SOS1: variants seen among roughly 807,000 people sequenced by gnomAD.
SOS1 encodes SOS Ras/Rac guanine nucleotide exchange factor 1.
SOS1 carries 25 observed loss-of-function variants against 157.6 expected under a neutral mutation model. That is an observed-to-expected ratio of 0.16 (90% CI 0.12 to 0.22). The LOEUF (loss-of-function observed/expected upper bound fraction) is 0.22, where lower values mean the gene tolerates loss of function less well. Ranked by LOEUF, SOS1 falls within the 10% of genes least tolerant of loss-of-function variation. The pLI, the probability that SOS1 is intolerant of heterozygous loss-of-function variation, is 1.00. For missense variants in SOS1, 1,237 were observed against 1,599.1 expected (o/e 0.77, Z 3.86); for synonymous variants, 528 against 534.0 (o/e 0.99, Z 0.16).
At chr2:39,012,383 A>G (rs1374195210) in intron 13 of SOS1, 35 bp from the exon 14 acceptor site, 11 of 940,942 alleles carry the variant, frequency 1.2e-5, no homozygotes, top group Non-Finnish European at 1.7e-5. Context: ...ACATTTAAAT[A>G]TTCTTTATTT....
At chr2:39,104,143 A>G (rs1673077658) in intron 1 of SOS1, among the ~76,000 whole-genome samples, 1 of 152,062 alleles carries the variant, frequency 6.6e-6, no homozygotes, top group Non-Finnish European at 1.5e-5. Context: ...TTAGCCAGGC[A>G]TGGTGGTAGG....
At chr2:39,063,669 G>C (rs553425174) in intron 2 of SOS1, among the ~76,000 whole-genome samples, 11 of 152,134 alleles carry the variant, frequency 7.2e-5, no homozygotes, top group Admixed American at 1.3e-4. Context: ...CAATCTATCT[G>C]TTTTCAAGTA....
At chr2:39,017,934 T>G (rs551033144) in intron 10 of SOS1, among the ~76,000 whole-genome samples, 1 of 151,838 alleles carries the variant, frequency 6.6e-6, no homozygotes, top group Non-Finnish European at 1.5e-5. Context: ...TAAGATAATA[T>G]AAACAAATGC....
chr2:39,010,483 C>CA, intron 15 of SOS1, 101 bp downstream of exon 15: 1 of 1,112,886 alleles, frequency 9.0e-7, no homozygotes, highest in Non-Finnish European at 1.4e-6. Context: ...GCCTATGTGA[C>CA]AGAGCAAAAC....
At chr2:39,015,802 C>CATT (rs1422629134) in intron 10 of SOS1, among the ~76,000 whole-genome samples, 2 of 87,416 alleles carry the variant, frequency 2.3e-5, no homozygotes, top group African/African-American at 4.6e-5. Context: ...AATTGTAAAT[C>CATT]TTTTTTTTTT....
At chr2:39,036,649 C>G (rs1670362671) in intron 6 of SOS1, among the ~76,000 whole-genome samples, 1 of 152,146 alleles carries the variant, frequency 6.6e-6, no homozygotes, top group South Asian at 2.1e-4. Flanking sequence ...TCTCGGCTCA[C>G]TGCAAGCTCC....
chr2:39,005,253 CTGAAACCGTGGAAAG>C (rs1394713224), intron 17 of SOS1, among the ~76,000 whole-genome samples: 2 of 152,160 alleles, frequency 1.3e-5, no homozygotes, highest in African/African-American at 2.4e-5. Flanking sequence ...CCATGGATAA[CTGAAACCGTGGAAAG>C]TGAAACCGTG....
intron 2 of SOS1, among the ~76,000 whole-genome samples, chr2:39,066,865 T>C (rs1043857312): frequency 6.6e-6 from 1 of 152,208 alleles, no homozygotes; most frequent in African/African-American, 2.4e-5. Flanking sequence ...AAGAAATGCT[T>C]GGACATATGC....
intron 8 of SOS1, among the ~76,000 whole-genome samples, chr2:39,026,590 G>T (rs1419487110): frequency 6.6e-6 from 1 of 152,256 alleles, no homozygotes; most frequent in East Asian, 1.9e-4. Flanking sequence ...GATATTACTA[G>T]TAGGCTGAAG....
In SOS1 at chr2:38,986,064, G is replaced by A; in HGVS notation, c.3762C>T (p.Ser1254=). ...HGNAFFPNSP[S]PFTPPPPQTP... ...TTTGAGGAGGAGGTGGTGTAAAGGG[G>A]GAAGGGCTGTTTGGGAAGAAGGCAT... Residue 1254 remains serine (S), a synonymous_variant, in exon 23 of 23, where the codon TCC becomes TCT. Coordinates refer to ENST00000402219, the MANE Select transcript of SOS1 (RefSeq NM_005633.4). 1 of 1,613,920 alleles carries A rather than the reference G, an allele frequency of 6.2e-7. No individual in the cohort carries two copies. Among genetic ancestry groups the A allele is most frequent in the South Asian group, 1.1e-5 (1 of 91,078 alleles).
chr2:38,997,131 A>C (rs559191155), intron 18 of SOS1, 93 bp from the exon 19 acceptor site: 1 of 1,049,830 alleles, frequency 9.5e-7, no homozygotes, highest in African/African-American at 1.6e-5. Flanking sequence ...TAATACAAGT[A>C]AATTTGAATT....
At chr2:39,094,540 G>C (rs1242125362) in intron 1 of SOS1, among the ~76,000 whole-genome samples, 1 of 152,146 alleles carries the variant, frequency 6.6e-6, no homozygotes, top group Non-Finnish European at 1.5e-5. Flanking sequence ...CAGCTACTCA[G>C]GAGGCTGAGG....
chr2:39,092,423 T>C (rs1433587232), intron 1 of SOS1, among the ~76,000 whole-genome samples: 1 of 152,232 alleles, frequency 6.6e-6, no homozygotes, highest in Non-Finnish European at 1.5e-5. Flanking sequence ...TCTTCTCAAA[T>C]GTCACCTCCT....
chr2:39,010,515 A>C, intron 15 of SOS1, 69 bp downstream of exon 15: 2 of 1,478,912 alleles, frequency 1.4e-6, no homozygotes, highest in Non-Finnish European at 1.9e-6. Flanking sequence ...AAAAACAAAC[A>C]AAAAAATTGC....
chr2:39,010,021 A>G (rs1048194331), intron 15 of SOS1, among the ~76,000 whole-genome samples: 8 of 152,250 alleles, frequency 5.3e-5, no homozygotes, highest in Admixed American at 1.3e-4. Context: ...ACATATAGAA[A>G]TAAAATTGCA....
At chr2:39,020,499 C>T (rs1669764999) in intron 10 of SOS1, among the ~76,000 whole-genome samples, 1 of 151,678 alleles carries the variant, frequency 6.6e-6, no homozygotes, top group African/African-American at 2.4e-5. Flanking sequence ...TAAGCCACAA[C>T]CTGTACTGCA....
chr2:39,105,895 G>C (rs1473171025), intron 1 of SOS1, among the ~76,000 whole-genome samples: 1 of 151,844 alleles, frequency 6.6e-6, no homozygotes, highest in Non-Finnish European at 1.5e-5. Context: ...GTGAGACTCT[G>C]TCTCAAAAAG....
intron 10 of SOS1, among the ~76,000 whole-genome samples, chr2:39,018,246 C>T (rs1669690156): frequency 6.6e-6 from 1 of 151,712 alleles, no homozygotes; most frequent in Admixed American, 6.6e-5. Flanking sequence ...GATAATTCCA[C>T]AAAATTCTTT....
At chr2:39,049,481 C>G (rs1041242320) in intron 6 of SOS1, among the ~76,000 whole-genome samples, 36 of 152,110 alleles carry the variant, frequency 2.4e-4, no homozygotes, top group African/African-American at 8.2e-4. Context: ...CATATTCCTT[C>G]ACTTATCTCT....
Sources: allele counts gnomAD v4.1 joint callset (sites outside exome capture counted in the v4.1 genomes callset), GRCh38; gene constraint gnomAD v4.1.1; transcripts MANE v1.5; gene names NCBI Gene and HGNC (gene_info 2026-07-23, HGNC 2026-07-21).